DOCK4: variants seen among roughly 807,000 people sequenced by gnomAD.
DOCK4 encodes dedicator of cytokinesis 4.
DOCK4 carries 97 observed loss-of-function variants against 268.1 expected under a neutral mutation model. The ratio of observed to expected loss-of-function variants is 0.36; its 90% confidence interval spans 0.31 to 0.43. The LOEUF (loss-of-function observed/expected upper bound fraction) is 0.43. Among genes scored for constraint, DOCK4 ranks in the 20% least tolerant of loss-of-function variants. The probability of loss-of-function intolerance (pLI) is 1.00; values close to 1 mark genes in which losing one functional copy is unlikely to be tolerated. For synonymous variants in DOCK4, 954 were observed against 887.2 expected, an observed-to-expected ratio of 1.08 and a Z score of -1.34; for missense variants, 2,145 against 2,455.7, an observed-to-expected ratio of 0.87 and a Z score of 2.67.
chr7:111,845,362 A>C (rs1457152802), intron 24 of DOCK4, among the ~76,000 whole-genome samples: 22 of 152,198 alleles, frequency 1.4e-4, no homozygotes, highest in Admixed American at 1.4e-3. Flanking sequence ...ATAAAAAATG[A>C]TTTTTAAAAA....
chr7:111,973,156 C>CATATATAT (rs144045255), intron 8 of DOCK4, among the ~76,000 whole-genome samples: 4,071 of 113,734 alleles, frequency 0.036, 124 homozygotes, highest in East Asian at 0.12. Context: ...TATTCCATGG[C>CATATATAT]ATATATATAT....
intron 41 of DOCK4, 122 bp downstream of exon 41, chr7:111,758,502 T>C: frequency 9.0e-7 from 1 of 1,114,104 alleles, no homozygotes; most frequent in Non-Finnish European, 1.3e-6. Flanking sequence ...CTAAATGATT[T>C]ATATAGTCCC....
intron 1 of DOCK4, among the ~76,000 whole-genome samples, chr7:112,076,697 GT>G (rs1808098331): frequency 6.6e-6 from 1 of 152,030 alleles, no homozygotes; most frequent in Non-Finnish European, 1.5e-5. Context: ...TGTGTTCAGG[GT>G]TTTATGAAAC....
chr7:111,946,785 T>A (rs984691120), intron 8 of DOCK4, among the ~76,000 whole-genome samples: 1 of 152,172 alleles, frequency 6.6e-6, no homozygotes, highest in Non-Finnish European at 1.5e-5. Flanking sequence ...TTTCACCATG[T>A]TGGCCAGGCT....
At chr7:111,867,934 A>T in intron 22 of DOCK4, 50 bp downstream of exon 22, 2 of 1,438,642 alleles carry the variant, frequency 1.4e-6, no homozygotes, top group South Asian at 1.5e-5. Context: ...AAAAATAAAT[A>T]AACTGCACTT....
Position 111,728,545 on chromosome 7 carries a change from G to T in DOCK4, c.5657C>A (p.Pro1886Gln), listed in dbSNP as rs766058170. ...CGGCACGGGCACCGGCACTGGCACCGGCAGGGGGGCCGACTGTTCATTCAC... is the reference window on the plus strand; with the variant it reads ...CGGCACGGGCACCGGCACTGGCACCTGCAGGGGGGCCGACTGTTCATTCAC... ...NQVNEQSAPL[P>Q]VPVPVPVPSY... Residue 1886 changes from proline (P) to glutamine (Q), a missense_variant, in exon 53 of 53, where the codon CCG becomes CAG. Transcript: ENST00000428084. The T allele has an allele frequency of 6.2e-7, 1 of 1,613,818 alleles. No individual in the cohort carries two copies. The highest frequency in any genetic ancestry group is 1.3e-5 in the African/African-American group (1 of 75,056).
At chr7:112,034,770 C>T (rs958329862) in intron 1 of DOCK4, among the ~76,000 whole-genome samples, 2 of 152,192 alleles carry the variant, frequency 1.3e-5, no homozygotes, top group Admixed American at 1.3e-4. Context: ...GGTGTGGTGG[C>T]GTGCACCTGT....
chr7:112,102,327 C>A (rs1047049933), intron 1 of DOCK4, among the ~76,000 whole-genome samples: 1 of 152,106 alleles, frequency 6.6e-6, no homozygotes, highest in Non-Finnish European at 1.5e-5. Flanking sequence ...AGTAGGCACA[C>A]CAAGAAAATA....
chr7:111,989,194 A>T (rs377498411), intron 5 of DOCK4, 31 bp from the exon 6 acceptor site: 95 of 1,612,846 alleles, frequency 5.9e-5, no homozygotes, highest in Non-Finnish European at 7.5e-5. Flanking sequence ...GAGATTTGGC[A>T]GTCAGTACCT....
chr7:111,905,683 ATGTGTG>A (rs145889951), intron 13 of DOCK4, among the ~76,000 whole-genome samples: 7 of 147,724 alleles, frequency 4.7e-5, no homozygotes, highest in African/African-American at 7.4e-5. Context: ...ATATGCATGT[ATGTGTG>A]TGTGTGTGTG....
chr7:112,005,301 T>C (rs549440684), intron 1 of DOCK4, among the ~76,000 whole-genome samples: 25 of 152,314 alleles, frequency 1.6e-4, no homozygotes, highest in African/African-American at 6.0e-4. Context: ...CAATAAGTAA[T>C]GAGCTTTTAG....
At chr7:111,916,214 A>G (rs1300143306) in intron 12 of DOCK4, among the ~76,000 whole-genome samples, 4 of 152,078 alleles carry the variant, frequency 2.6e-5, no homozygotes, top group Non-Finnish European at 4.4e-5. Context: ...TTCCTGCGCC[A>G]ACACTTATTC....
intron 1 of DOCK4, among the ~76,000 whole-genome samples, chr7:112,054,704 G>C (rs1805664663): frequency 6.6e-6 from 1 of 152,032 alleles, no homozygotes; most frequent in East Asian, 1.9e-4. Context: ...AGTGAAAGTT[G>C]TTCACTTAAT....
chr7:111,739,728 A>T (rs1795769214), intron 47 of DOCK4: 1 of 493,302 alleles, frequency 2.0e-6, no homozygotes, highest in Non-Finnish European at 3.7e-6. Context: ...CGTACCAGTT[A>T]GCAGTGCATT....
rs76904810 is a variant in DOCK4 at position 112,160,761 on chromosome 7, A to G, written c.37+45341T>C. Among the ~76,000 whole-genome samples the G allele has an allele frequency of 5.4e-3, 828 of 152,324 alleles. 5 individuals carry two copies. Among genetic ancestry groups the G allele is most frequent in the East Asian group, 0.05 (261 of 5,190 alleles). ...TCAAACTTTAGCTTTCTATACACTT[A>G]TCTTTCGAAACAACTTACTTGTACT... On this transcript the variant is annotated intron_variant, in intron 1 of 52. Coordinates refer to ENST00000428084, the MANE Select transcript of DOCK4 (RefSeq NM_001363540.2).
intron 12 of DOCK4, among the ~76,000 whole-genome samples, chr7:111,919,779 C>T (rs562424029): frequency 1.3e-5 from 2 of 152,214 alleles, no homozygotes; most frequent in East Asian, 3.9e-4. Context: ...ACAAAGAAAC[C>T]ACAACATATG....
chr7:111,810,842 TA>T (rs554667582), intron 28 of DOCK4, among the ~76,000 whole-genome samples: 13 of 148,086 alleles, frequency 8.8e-5, no homozygotes, highest in Middle Eastern at 3.4e-3. Flanking sequence ...CTACTAAAAA[TA>T]AAAAAAAAAT....
At chr7:111,792,401 G>C (rs561968412) in intron 30 of DOCK4, among the ~76,000 whole-genome samples, 2 of 152,234 alleles carry the variant, frequency 1.3e-5, no homozygotes, top group Admixed American at 1.3e-4. Context: ...TGTTGTTATT[G>C]AGACAGAGTC....
intron 1 of DOCK4, among the ~76,000 whole-genome samples, chr7:112,014,436 C>T (rs1402230868): frequency 6.6e-6 from 1 of 152,104 alleles, no homozygotes; most frequent in African/African-American, 2.4e-5. Flanking sequence ...TCAGCAAATA[C>T]CACAAAAGCG....
Sources: gnomAD v4.1 joint callset for allele counts (sites outside exome capture counted in the v4.1 genomes callset) on GRCh38, gnomAD v4.1.1 for gene constraint, MANE v1.5 for transcripts, NCBI Gene and HGNC (gene_info 2026-07-23, HGNC 2026-07-21) for gene names.